FABP12: variants seen among roughly 807,000 people sequenced by gnomAD.
The protein encoded by FABP12 is fatty acid binding protein 12.
A neutral mutation model predicts 13.7 loss-of-function variants in FABP12; 19 were observed. That is an observed-to-expected ratio of 1.39 (90% CI 0.97 to 2.04). The LOEUF (loss-of-function observed/expected upper bound fraction) is 2.04, where lower values mean the gene tolerates loss of function less well. Ranked by LOEUF, FABP12 falls within the 30% of genes most tolerant of loss-of-function variation. The pLI is 0.00. For synonymous variants in FABP12, 61 were observed against 57.0 expected (o/e 1.07, Z -0.32); for missense variants, 182 against 164.2 (o/e 1.11, Z -0.59).
chr8:81,563,263 T>G (rs1047494219), intron 1 of FABP12, among the ~76,000 whole-genome samples: 4 of 152,210 alleles, frequency 2.6e-5, no homozygotes, highest in Non-Finnish European at 5.9e-5. Context: ...ATCAAACACT[T>G]AGATCACAGC....
chr8:81,557,027 A>C, intron 1 of FABP12, among the ~76,000 whole-genome samples: 1 of 151,344 alleles, frequency 6.6e-6, no homozygotes, highest in African/African-American at 2.4e-5. Context: ...GGCATGCACC[A>C]CCATTTCCAG....
At chr8:81,574,628 C>G (rs1269632742) in intron 1 of FABP12, among the ~76,000 whole-genome samples, 1 of 152,044 alleles carries the variant, frequency 6.6e-6, no homozygotes, top group Non-Finnish European at 1.5e-5. Context: ...AATCTCACTG[C>G]TCGTTATTGT....
chr8:81,532,626 G>A (rs190443222), intron 1 of FABP12, among the ~76,000 whole-genome samples: 1 of 152,194 alleles, frequency 6.6e-6, no homozygotes, highest in Non-Finnish European at 1.5e-5. Context: ...TTCAAGATCA[G>A]CCGGGCCAAT....
At chr8:81,577,467 G>T (rs2130092472) in intron 1 of FABP12, among the ~76,000 whole-genome samples, 1 of 152,146 alleles carries the variant, frequency 6.6e-6, no homozygotes, top group South Asian at 2.1e-4. Context: ...TCTTTTAGAA[G>T]TCTTCCAATG....
In FABP12 at chr8:81,575,262, T is replaced by C. The variant is rs537835106; in HGVS notation, c.-185+14791A>G. 3.9e-5 allele frequency among the ~76,000 whole-genome samples: 6 copies of C among 152,320 alleles called. No individual in the cohort carries two copies. The South Asian group carries it at 1.0e-3, about 26-fold the overall frequency. ...TGAATTTCCATGTATTTGAATGGTT[T>C]TGAAGGTTCCTTTTGGAGTTGATTT... On this transcript the variant is annotated intron_variant, in intron 1 of 5. Transcript: ENST00000692030.
At chr8:81,531,706 C>G (rs1465728639) in intron 1 of FABP12, among the ~76,000 whole-genome samples, 2 of 152,190 alleles carry the variant, frequency 1.3e-5, no homozygotes, top group East Asian at 3.9e-4. Flanking sequence ...CCAGGTCTCT[C>G]TCTCTGTCTG....
At chr8:81,578,563 G>A (rs1489263503) in intron 1 of FABP12, among the ~76,000 whole-genome samples, 3 of 148,184 alleles carry the variant, frequency 2.0e-5, no homozygotes, top group African/African-American at 2.5e-5. Context: ...TCAGCTCACC[G>A]CAACATCCAC....
At chr8:81,581,113 A>G (rs1001701483) in intron 1 of FABP12, among the ~76,000 whole-genome samples, 1 of 152,198 alleles carries the variant, frequency 6.6e-6, no homozygotes, top group Non-Finnish European at 1.5e-5. Context: ...AAGATTGAGA[A>G]GAGTCTGTTG....
rs190661076 is a variant in FABP12, at chr8:81,542,651, T to C, written c.-184-2908A>G. 4.9e-4 allele frequency among the ~76,000 whole-genome samples: 74 copies of C among 152,182 alleles called. No individual in the cohort carries two copies. The East Asian group carries it at 0.011, about 23-fold the overall frequency. ...TAACCAATATGCAACTCTCTGGGAG[T>C]GCAGAGTGTACTCAAGTTGCCAGTG... is the stretch of plus-strand genomic sequence containing the variant. On this transcript the variant is annotated intron_variant, in intron 1 of 5. Coordinates refer to the FABP12 transcript ENST00000692030.
At chr8:81,539,479 A>G (rs1159705251) in intron 2 of FABP12, among the ~76,000 whole-genome samples, 1 of 111,520 alleles carries the variant, frequency 9.0e-6, no homozygotes, top group Non-Finnish European at 1.7e-5. Flanking sequence ...TCCCTCCTTC[A>G]TCACCCACTC....
At chr8:81,567,719 T>C (rs940958829) in intron 1 of FABP12, among the ~76,000 whole-genome samples, 2 of 152,144 alleles carry the variant, frequency 1.3e-5, no homozygotes, top group African/African-American at 4.8e-5. Flanking sequence ...ATAAAAAATA[T>C]TGGGGAAACT....
intron 1 of FABP12, among the ~76,000 whole-genome samples, chr8:81,581,285 A>T (rs1168032438): frequency 6.6e-6 from 1 of 152,166 alleles, no homozygotes; most frequent in Non-Finnish European, 1.5e-5. Context: ...TTTGATTGTG[A>T]TCATAAGTGT....
At chr8:81,558,106 T>C (rs1203561526) in intron 1 of FABP12, among the ~76,000 whole-genome samples, 4 of 152,176 alleles carry the variant, frequency 2.6e-5, no homozygotes, top group African/African-American at 9.7e-5. Flanking sequence ...AGCATTATTA[T>C]TGGCAAATCG....
chr8:81,560,962 C>A (rs946474883), intron 1 of FABP12, among the ~76,000 whole-genome samples: 1 of 152,170 alleles, frequency 6.6e-6, no homozygotes, highest in Non-Finnish European at 1.5e-5. Context: ...CACAATGCTG[C>A]GGGGCAAAGG....
chr8:81,545,210 A>G (rs917052564), intron 1 of FABP12, among the ~76,000 whole-genome samples: 1 of 152,198 alleles, frequency 6.6e-6, no homozygotes, highest in Non-Finnish European at 1.5e-5. Context: ...TCTTGGGCAT[A>G]AGTGAACAAG....
chr8:81,575,715 T>A (rs1260034875), intron 1 of FABP12, among the ~76,000 whole-genome samples: 1 of 152,240 alleles, frequency 6.6e-6, no homozygotes, highest in Non-Finnish European at 1.5e-5. Flanking sequence ...AATATCCCTC[T>A]TTGTCTCTTT....
intron 1 of FABP12, among the ~76,000 whole-genome samples, chr8:81,559,031 C>A (rs909932448): frequency 6.6e-6 from 1 of 152,096 alleles, no homozygotes; most frequent in Non-Finnish European, 1.5e-5. Context: ...TACACTCAGC[C>A]AAACACAAAC....
chr8:81,577,134 A>T (rs1190128045), intron 1 of FABP12, among the ~76,000 whole-genome samples: 1 of 152,210 alleles, frequency 6.6e-6, no homozygotes, highest in East Asian at 1.9e-4. Context: ...TGCACATGTC[A>T]TTTTGCATGT....
chr8:81,584,861 T>C (rs946893368), intron 1 of FABP12, among the ~76,000 whole-genome samples: 12 of 152,176 alleles, frequency 7.9e-5, no homozygotes, highest in African/African-American at 2.9e-4. Context: ...TGAGATGATA[T>C]CTATTATAGT....
Sources: gnomAD v4.1 joint callset for allele counts (sites outside exome capture counted in the v4.1 genomes callset) on GRCh38, gnomAD v4.1.1 for gene constraint, MANE v1.5 for transcripts, NCBI Gene and HGNC (gene_info 2026-07-23, HGNC 2026-07-21) for gene names.